CELSR1: variants seen among roughly 807,000 people sequenced by gnomAD.
CELSR1 encodes cadherin EGF LAG seven-pass G-type receptor 1.
A neutral mutation model predicts 249.1 loss-of-function variants in CELSR1; 110 were observed. That is an observed-to-expected ratio of 0.44 (90% CI 0.38 to 0.52). CELSR1 has a LOEUF of 0.52. CELSR1 is among the 20% of genes least tolerant of loss of function. The probability of loss-of-function intolerance (pLI) is 0.00; values close to 1 mark genes in which losing one functional copy is unlikely to be tolerated. For synonymous variants in CELSR1, 2,113 were observed against 1,900.0 expected (o/e 1.11, Z -2.92); for missense variants, 4,109 against 4,296.4 (o/e 0.96, Z 1.22).
At chr22:46,455,595 T>C (rs2079939012) in intron 2 of CELSR1, among the ~76,000 whole-genome samples, 2 of 152,160 alleles carry the variant, frequency 1.3e-5, no homozygotes, top group African/African-American at 4.8e-5. Context: ...ACCACTGCAC[T>C]TGGCTTGAGA....
At chr22:46,515,283 G>A (rs1224409842) in intron 1 of CELSR1, among the ~76,000 whole-genome samples, 1 of 152,224 alleles carries the variant, frequency 6.6e-6, no homozygotes, top group Non-Finnish European at 1.5e-5. Context: ...CCTGGGGAGA[G>A]CTGCACAGCT....
chr22:46,443,764 G>A (rs1470239356), intron 2 of CELSR1, among the ~76,000 whole-genome samples: 2 of 152,248 alleles, frequency 1.3e-5, no homozygotes, highest in Non-Finnish European at 2.9e-5. Context: ...ACACTCATAT[G>A]AGCAAGTCAG....
chr22:46,462,597 A>T (rs1602171017), intron 2 of CELSR1, among the ~76,000 whole-genome samples: 1 of 151,814 alleles, frequency 6.6e-6, no homozygotes, highest in Admixed American at 6.6e-5. Flanking sequence ...AAGAGTCTCA[A>T]AGTTATCTCC....
intron 1 of CELSR1, among the ~76,000 whole-genome samples, chr22:46,499,577 AG>A (rs1489132561): frequency 6.6e-6 from 1 of 152,226 alleles, no homozygotes; most frequent in Non-Finnish European, 1.5e-5. Context: ...ATTTTCAGGA[AG>A]CCCTGGCACA....
In CELSR1 at chr22:46,366,377, C is replaced by G; in HGVS notation, c.8300+9G>C. 6.5e-7 allele frequency: 1 copy of G among 1,540,844 alleles called. No individual in the cohort carries two copies. The highest frequency in any genetic ancestry group is 1.2e-5 in the South Asian group (1 of 83,168). On this transcript the variant is annotated intron_variant, in intron 30 of 34. Transcript: ENST00000674500. Reference sequence around the variant, plus strand: ...AGCCACCTCCCCGAACCCGGAGCTGCGGCCTGACCTGACGATGCTGTCCAG... The same window carrying G: ...AGCCACCTCCCCGAACCCGGAGCTGGGGCCTGACCTGACGATGCTGTCCAG...
At chr22:46,458,631 G>A (rs2079984129) in intron 2 of CELSR1, among the ~76,000 whole-genome samples, 1 of 152,170 alleles carries the variant, frequency 6.6e-6, no homozygotes, top group South Asian at 2.1e-4. Context: ...CCCTCCAGGG[G>A]ACCAGAGGGA....
intron 25 of CELSR1, among the ~76,000 whole-genome samples, chr22:46,372,387 A>C (rs1602033394): frequency 2.7e-5 from 2 of 75,084 alleles, no homozygotes; most frequent in Non-Finnish European, 5.4e-5. Flanking sequence ...CACTCACCCC[A>C]TCTACCCATC....
chr22:46,422,257 C>T (rs1425271527), intron 5 of CELSR1, among the ~76,000 whole-genome samples: 2 of 151,986 alleles, frequency 1.3e-5, no homozygotes, highest in Non-Finnish European at 2.9e-5. Flanking sequence ...GGGCACCTGC[C>T]ACCACGCCCG....
At chr22:46,452,897 T>C (rs2079902651) in intron 2 of CELSR1, among the ~76,000 whole-genome samples, 1 of 152,254 alleles carries the variant, frequency 6.6e-6, no homozygotes, top group African/African-American at 2.4e-5. Context: ...GCCTCAGTAG[T>C]TGCTTTTCTC....
chr22:46,363,049 T>A lies in CELSR1; in HGVS notation c.*174A>T. 2 of 1,357,372 alleles carry A rather than the reference T, an allele frequency of 1.5e-6. No homozygotes were observed. The highest frequency in any genetic ancestry group is 2.1e-6 in the Non-Finnish European group (2 of 966,754). 84.1% of individuals were successfully genotyped at this position (1,357,372 alleles called of 1,614,324 possible). A position where few individuals can be genotyped will look rare whatever the true frequency, so the allele number is the denominator to read the frequency against. The stretch of plus-strand genomic sequence containing the variant: ...GAGAACCAAGACCTTTGTGTCTGGA[T>A]GATCAGTCGGGGGGCTGCCACCATG... On this transcript the variant is annotated 3_prime_UTR_variant, in exon 35 of 35. Transcript: ENST00000674500. This position sits in a 1 kb window ranked among gnomAD's most constrained non-coding sequence, Gnocchi z 4.3.
intron 5 of CELSR1, among the ~76,000 whole-genome samples, chr22:46,426,129 T>A (rs868147964): frequency 7.1e-6 from 1 of 141,358 alleles, no homozygotes; most frequent in African/African-American, 2.8e-5. Flanking sequence ...GCAGCAAGGC[T>A]GGGGAGGGCG....
chr22:46,436,377 C>A lies in CELSR1; in HGVS notation c.4407-88G>T. 2.3e-6 allele frequency: 2 copies of A among 888,160 alleles called. No individual in the cohort carries two copies. Among genetic ancestry groups the A allele is most frequent in the Admixed American group, 2.1e-5 (1 of 48,498 alleles). 55.0% of individuals were successfully genotyped at this position (888,160 alleles called of 1,614,324 possible). A position where few individuals can be genotyped will look rare whatever the true frequency, so the allele number is the denominator to read the frequency against. ...AATGACAAGTCCAGCCGGAGGAGGG[C>A]AAGCACGTGGGGCTACGATTCAGGA... On this transcript the variant is annotated intron_variant, in intron 3 of 34. Transcript: ENST00000674500. The surrounding 1 kb of genome is among the most constrained non-coding windows in gnomAD (Gnocchi z 5.9).
Position 46,363,245 on chromosome 22 carries a change from C to T in CELSR1, c.9038G>A (p.Gly3013Asp). 6.2e-7 allele frequency: 1 copy of T among 1,611,882 alleles called. No homozygotes were observed. The highest frequency in any genetic ancestry group is 8.5e-7 in the Non-Finnish European group (1 of 1,179,196). ...SAQADGSDSE[G>D]SNETSI ...GGTTCAAATTGAAGTTTCATTACTG[C>T]CTCTGCGCGTGGGAAGAAGCCAGCA... Residue 3013 changes from glycine (G) to aspartate (D), a missense_variant and splice_region_variant, in exon 35 of 35, where the codon GGC becomes GAC. Coordinates refer to ENST00000674500, the MANE Select transcript of CELSR1 (RefSeq NM_001378328.1). The surrounding 1 kb of genome is among the most constrained non-coding windows in gnomAD (Gnocchi z 4.3).
chr22:46,509,169 G>T (rs6008880), intron 1 of CELSR1, among the ~76,000 whole-genome samples: 16,891 of 152,114 alleles, frequency 0.11, 1,042 homozygotes, highest in African/African-American at 0.16. Flanking sequence ...TGCTCCCATG[G>T]CCAAGTCCTA....
At position 46,535,954 on chromosome 22, in the gene CELSR1, G is replaced by C; in HGVS notation, c.1217C>G (p.Ser406Cys). Residue 406 changes from serine to cysteine, a missense_variant, in exon 1 of 35, where the codon TCT becomes TGT. By Grantham distance (112) the Ser-to-Cys change is moderately radical. Coordinates refer to ENST00000674500, the MANE Select transcript of CELSR1 (RefSeq NM_001378328.1). ...AWDVFQLNES[S>C]GVVSTRAVLD... ...CACCGCCCGTGTGCTCACCACGCCA[G>C]AGCTCTCGTTGAGCTGGAAGACGTC... 1.9e-6 allele frequency: 3 copies of C among 1,610,098 alleles called. No individual in the cohort carries two copies. The highest frequency in any genetic ancestry group is 2.7e-5 in the African/African-American group (2 of 75,030).
At position 46,393,924 on chromosome 22, in the gene CELSR1, G is replaced by A. The variant is rs943775710; in HGVS notation, c.5964+218C>T. Among the ~76,000 whole-genome samples the A allele has an allele frequency of 9.2e-5, 14 of 152,206 alleles. No homozygotes were observed. Among genetic ancestry groups the A allele is most frequent in the Non-Finnish European group, 1.3e-4 (9 of 68,040 alleles). The stretch of plus-strand genomic sequence containing the variant: ...GCAGGGCTGAACCCGTAGTTTACAC[G>A]TGGAAAGCAGCCATGGAGTATTCAC... On this transcript the variant is annotated intron_variant, in intron 14 of 34. Transcript: ENST00000674500. This position sits in a 1 kb window ranked among gnomAD's most constrained non-coding sequence, Gnocchi z 4.1.
At chr22:46,370,213 C>T in intron 25 of CELSR1, 1 of 449,824 alleles carries the variant, frequency 2.2e-6, no homozygotes, top group Non-Finnish European at 4.5e-6. Flanking sequence ...GATGAGGCTC[C>T]AAAACAGATG....
intron 1 of CELSR1, among the ~76,000 whole-genome samples, chr22:46,498,295 A>G: frequency 7.9e-6 from 1 of 127,380 alleles, no homozygotes; most frequent in Non-Finnish European, 1.7e-5. Context: ...CTGTCTCAAA[A>G]AAAAAAAAAA....
At position 46,527,454 on chromosome 22, in the gene CELSR1, C is replaced by A. The variant is rs1387963106; in HGVS notation, c.3544+6173G>T. 6.6e-6 allele frequency among the ~76,000 whole-genome samples: 1 copy of A among 152,202 alleles called. No homozygotes were observed. Among genetic ancestry groups the A allele is most frequent in the Non-Finnish European group, 1.5e-5 (1 of 68,022 alleles). On this transcript the variant is annotated intron_variant, in intron 1 of 34. Coordinates refer to ENST00000674500, the MANE Select transcript of CELSR1 (RefSeq NM_001378328.1). The surrounding 1 kb of genome is among the most constrained non-coding windows in gnomAD (Gnocchi z 5.5). ...TCCCGGTCTCCCTGCCCATCACACACTGCACACGTCCAGGGGGGTAGAGAA... is the reference window on the plus strand; with the variant it reads ...TCCCGGTCTCCCTGCCCATCACACAATGCACACGTCCAGGGGGGTAGAGAA...
Sources: gnomAD v4.1 joint callset for allele counts (sites outside exome capture counted in the v4.1 genomes callset) on GRCh38, gnomAD v4.1.1 for gene constraint, Gnocchi (gnomAD v3.1) non-coding constraint, MANE v1.5 for transcripts, NCBI Gene and HGNC (gene_info 2026-07-23, HGNC 2026-07-21) for gene names.